Variants in INTS8 observed in about 807,000 individuals in gnomAD.
INTS8 encodes integrator complex subunit 8, also known as protein kaonashi-1.
A neutral mutation model predicts 138.9 loss-of-function variants in INTS8; 47 were observed. The ratio of observed to expected loss-of-function variants is 0.34; its 90% CI spans 0.27 to 0.43. INTS8 has a LOEUF of 0.43. Among genes scored for constraint, INTS8 ranks in the 20% least tolerant of loss-of-function variants. The pLI is 1.00. For missense variants in INTS8, 996 were observed against 1,173.0 expected (o/e 0.85, Z 2.20); for synonymous variants, 392 against 400.9 (o/e 0.98, Z 0.27).
At chr8:94,857,778 G>T (rs535367587) in intron 15 of INTS8, among the ~76,000 whole-genome samples, 1 of 152,286 alleles carries the variant, frequency 6.6e-6, no homozygotes, top group African/African-American at 2.4e-5. Context: ...CCCTAATCCA[G>T]CTGACTTCAT....
chr8:94,870,237 G>C (rs1024291786), intron 20 of INTS8, among the ~76,000 whole-genome samples: 4 of 151,952 alleles, frequency 2.6e-5, no homozygotes, highest in African/African-American at 9.7e-5. Flanking sequence ...ATTTTTAGTA[G>C]AGACGGGGTT....
chr8:94,851,548 T>C lies in INTS8; in HGVS notation c.1508-5T>C. 1 of 1,553,638 alleles carries C rather than the reference T, an allele frequency of 6.4e-7. No homozygotes were observed. The highest frequency in any genetic ancestry group is 8.7e-7 in the Non-Finnish European group (1 of 1,153,480). On this transcript the variant is annotated splice_region_variant and splice_polypyrimidine_tract_variant and intron_variant, in intron 12 of 26. Coordinates refer to ENST00000523731, the MANE Select transcript of INTS8 (RefSeq NM_017864.4). ...TAAATCATTGAAATATAAATCTTTT[T>C]TTAGCTTCAGCAAGTGTCAACATTG...
chr8:94,871,067 A>G (rs1816378617), intron 20 of INTS8, among the ~76,000 whole-genome samples: 1 of 152,196 alleles, frequency 6.6e-6, no homozygotes, highest in Non-Finnish European at 1.5e-5. Context: ...GAGGGGAGTC[A>G]GTAACTCTTG....
intron 21 of INTS8, among the ~76,000 whole-genome samples, chr8:94,872,327 G>A (rs937839523): frequency 2.0e-5 from 3 of 152,002 alleles, no homozygotes; most frequent in Admixed American, 6.6e-5. Flanking sequence ...TCCGCCTCCC[G>A]GGTTCAAGCG....
rs967358726 is a variant in INTS8 at position 94,838,016 on chromosome 8, G to A, written c.862-447G>A. Among the ~76,000 whole-genome samples the A allele has an allele frequency of 1.4e-3, 212 of 148,396 alleles. 8 individuals are homozygous for A. The highest frequency in any genetic ancestry group is 4.0e-4 in the Non-Finnish European group (27 of 66,786). Reference sequence around the variant, plus strand: ...TAAACCTTTAACCTTTTTGTTTTTTGATTCTTCCAGTTTTAAATTTTTCTT... The same window carrying A: ...TAAACCTTTAACCTTTTTGTTTTTTAATTCTTCCAGTTTTAAATTTTTCTT... On this transcript the variant is annotated intron_variant, in intron 7 of 26. Coordinates refer to ENST00000523731, the MANE Select transcript of INTS8 (RefSeq NM_017864.4).
intron 6 of INTS8, 139 bp downstream of exon 6, chr8:94,832,313 T>C (rs1814750078): frequency 1.6e-6 from 1 of 634,592 alleles, no homozygotes; most frequent in African/African-American, 1.9e-5. Flanking sequence ...ATTTAATTTA[T>C]ACATTTATAA....
intron 20 of INTS8, among the ~76,000 whole-genome samples, chr8:94,871,172 A>G (rs560813685): frequency 9.2e-5 from 14 of 152,124 alleles, no homozygotes; most frequent in Non-Finnish European, 1.9e-4. Flanking sequence ...AACAGAACTT[A>G]AAAATCATTT....
At chr8:94,859,668 GTAT>G in intron 16 of INTS8, 36 bp downstream of exon 16, 9 of 1,526,410 alleles carry the variant, frequency 5.9e-6, no homozygotes, top group East Asian at 4.5e-5. Context: ...TGTTAGGATG[GTAT>G]TATTATACTT....
intron 11 of INTS8, 135 bp downstream of exon 11, chr8:94,849,667 T>A (rs1815459857): frequency 1.6e-6 from 1 of 632,296 alleles, no homozygotes; most frequent in South Asian, 2.3e-5. Flanking sequence ...TGAGAACCCA[T>A]TAAGTTCAAA....
At position 94,851,760 on chromosome 8, in the gene INTS8, C is replaced by T. The variant is rs557960840; in HGVS notation, c.1641+74C>T. ...GGTAATTTAATAGAAAAGCTGTTCC[C>T]TGACCTTTTTGATAATAAGGACCTC... is the stretch of plus-strand genomic sequence containing the variant. On this transcript the variant is annotated intron_variant, in intron 13 of 26. Coordinates refer to ENST00000523731, the MANE Select transcript of INTS8 (RefSeq NM_017864.4). 2.3e-6 allele frequency: 3 copies of T among 1,319,632 alleles called. No homozygotes were observed. In the South Asian group the frequency reaches 4.4e-5, roughly 19 times the overall value. The allele number at this position is 1,319,632 out of a possible 1,614,324, so 81.7% of individuals were successfully genotyped here.
At chr8:94,823,607 G>T in intron 1 of INTS8, 46 bp downstream of exon 1, 1 of 1,439,576 alleles carries the variant, frequency 6.9e-7, no homozygotes, top group South Asian at 1.3e-5. Flanking sequence ...GGCCACCGGC[G>T]CTGTCCGCCC....
intron 12 of INTS8, among the ~76,000 whole-genome samples, chr8:94,850,395 G>A (rs1214912115): frequency 1.3e-5 from 2 of 152,144 alleles, no homozygotes; most frequent in African/African-American, 2.4e-5. Flanking sequence ...GGCGGATCAC[G>A]AGGTCAGCAG....
chr8:94,845,607 C>T (rs566530100), intron 10 of INTS8, among the ~76,000 whole-genome samples: 1 of 152,284 alleles, frequency 6.6e-6, no homozygotes, highest in African/African-American at 2.4e-5. Flanking sequence ...GGACTACAGG[C>T]ACGCGCCACC....
At chr8:94,829,397 G>A (rs571941401) in intron 5 of INTS8, among the ~76,000 whole-genome samples, 12 of 151,966 alleles carry the variant, frequency 7.9e-5, no homozygotes, top group South Asian at 4.2e-4. Flanking sequence ...TGGATCCCTC[G>A]CGTGTGTAGT....
chr8:94,881,521 T>C lies in INTS8; in HGVS notation c.*1287T>C. The C allele has an allele frequency of 1.0e-6, 1 of 1,000,444 alleles. No homozygotes were observed. Among genetic ancestry groups the C allele is most frequent in the Non-Finnish European group, 1.5e-6 (1 of 688,872 alleles). The allele number at this position is 1,000,444 out of a possible 1,614,324, so 62.0% of individuals were successfully genotyped here. On this transcript the variant is annotated 3_prime_UTR_variant, in exon 27 of 27. Transcript: ENST00000523731. ...TCAGAATGGCAGTGTAACTTGTGAA[T>C]TGGCTAGGGCAATCAATCACAGCAC...
At chr8:94,866,084 C>T in intron 17 of INTS8, 74 bp from the exon 18 acceptor site, 1 of 653,668 alleles carries the variant, frequency 1.5e-6, no homozygotes, top group South Asian at 1.9e-5. Context: ...TAAACCTTCA[C>T]CTATAATTTA....
At chr8:94,846,679 C>A (rs75566037) in intron 10 of INTS8, among the ~76,000 whole-genome samples, 5,148 of 152,266 alleles carry the variant, frequency 0.034, 88 homozygotes, top group Non-Finnish European at 0.04. Flanking sequence ...AGAAAGCAAG[C>A]TTGCACTATT....
At chr8:94,843,454 C>G (rs945882020) in intron 10 of INTS8, among the ~76,000 whole-genome samples, 1 of 152,012 alleles carries the variant, frequency 6.6e-6, no homozygotes, top group Non-Finnish European at 1.5e-5. Flanking sequence ...GTAATCCCAG[C>G]TACTTGGGAG....
chr8:94,845,752 C>T (rs528120291), intron 10 of INTS8, among the ~76,000 whole-genome samples: 3 of 152,298 alleles, frequency 2.0e-5, no homozygotes, highest in African/African-American at 7.2e-5. Context: ...TGAGCTACCA[C>T]GCCCGGCAGT....
Sources: allele counts gnomAD v4.1 joint callset (sites outside exome capture counted in the v4.1 genomes callset), GRCh38; gene constraint gnomAD v4.1.1; transcripts MANE v1.5; gene names NCBI Gene and HGNC (gene_info 2026-07-23, HGNC 2026-07-21).